LCOR: variants seen among roughly 807,000 people sequenced by gnomAD.
LCOR encodes ligand-dependent corepressor.
A neutral mutation model predicts 64.4 loss-of-function variants in LCOR; 14 were observed. The observed-to-expected ratio is 0.22, with a 90% CI of 0.14 to 0.34. The LOEUF is 0.34. LCOR is among the 10% of genes least tolerant of loss of function. LCOR has a pLI of 1.00. For synonymous variants in LCOR, 643 were observed against 642.5 expected, an observed-to-expected ratio of 1.00 and a Z score of -0.01; for missense variants, 1,686 against 1,765.3, an observed-to-expected ratio of 0.96 and a Z score of 0.80.
chr10:96,983,623 T>C lies in LCOR; in HGVS notation c.3163T>C (p.Ser1055Pro). 1 of 1,614,102 alleles carries C rather than the reference T, an allele frequency of 6.2e-7. No individual in the cohort carries two copies. Among genetic ancestry groups the C allele is most frequent in the African/African-American group, 1.3e-5 (1 of 75,018 alleles). The change falls in exon 8 of 8, where the codon TCA becomes CCA. Residue 1055 changes from serine to proline, a missense_variant. Transcript: ENST00000421806. The surrounding 1 kb of genome is among the most constrained non-coding windows in gnomAD (Gnocchi z 4.5). ...HAHSLGSLDASKVTSEKEAAQ... is the reference protein window; with the variant it reads ...HAHSLGSLDAPKVTSEKEAAQ... ...TCATTCTCTGGGCTCCTTGGATGCT[T>C]CAAAAGTGACTTCAGAAAAGGAAGC... is the stretch of plus-strand genomic sequence containing the variant.
chr10:96,890,938 G>T (rs1846428820), intron 2 of LCOR, among the ~76,000 whole-genome samples: 1 of 152,068 alleles, frequency 6.6e-6, no homozygotes, highest in Non-Finnish European at 1.5e-5. Context: ...AATTTTGTTT[G>T]CTAGTATTTT....
chr10:96,852,441 G>A (rs1845736105), intron 2 of LCOR, among the ~76,000 whole-genome samples: 1 of 152,042 alleles, frequency 6.6e-6, no homozygotes, highest in Non-Finnish European at 1.5e-5. Context: ...AACAAAAACC[G>A]ACAAATTATC....
intron 2 of LCOR, among the ~76,000 whole-genome samples, chr10:96,854,095 A>G (rs1156669724): frequency 6.6e-6 from 1 of 152,178 alleles, no homozygotes; most frequent in African/African-American, 2.4e-5. Context: ...CATGACAGAA[A>G]TACGCAAAGA....
intron 2 of LCOR, among the ~76,000 whole-genome samples, chr10:96,867,089 C>T (rs1288768643): frequency 6.6e-6 from 1 of 152,112 alleles, no homozygotes; most frequent in South Asian, 2.1e-4. Context: ...CAGGTTCAAG[C>T]GATTCACCTG....
chr10:96,945,062 C>A (rs1847564510), intron 5 of LCOR, among the ~76,000 whole-genome samples: 1 of 152,162 alleles, frequency 6.6e-6, no homozygotes, highest in South Asian at 2.1e-4. Flanking sequence ...ACTTTTCCTC[C>A]ATTTCCAAGA....
intron 7 of LCOR, among the ~76,000 whole-genome samples, chr10:96,967,374 C>T (rs1034013666): frequency 2.6e-5 from 4 of 152,162 alleles, no homozygotes; most frequent in Non-Finnish European, 4.4e-5. Flanking sequence ...TCAAGTGATC[C>T]GCCTACCTTG....
intron 2 of LCOR, among the ~76,000 whole-genome samples, chr10:96,870,555 A>G (rs1038277396): frequency 6.6e-6 from 1 of 152,216 alleles, no homozygotes; most frequent in African/African-American, 2.4e-5. Flanking sequence ...TTGTAGACTA[A>G]TTTCAAGTCT....
In LCOR at chr10:96,982,705, G is replaced by C. The variant is rs1848103351; in HGVS notation, c.2245G>C (p.Glu749Gln). Residue 749 changes from glutamate to glutamine, a missense_variant, in exon 8 of 8, where the codon GAA (glutamate) becomes CAA (glutamine). Glu to Gln is a conservative substitution (Grantham distance 29). Coordinates refer to ENST00000421806, the MANE Select transcript of LCOR (RefSeq NM_001346516.2). ...QELNVDPLLK[E>Q]SSTFTDENPS... ...GCTAAATGTCGACCCACTCTTGAAG[G>C]AAAGCAGCACTTTTACTGATGAAAA... is the stretch of plus-strand genomic sequence containing the variant. 6.2e-7 allele frequency: 1 copy of C among 1,614,010 alleles called. No individual in the cohort carries two copies. Among genetic ancestry groups the C allele is most frequent in the African/African-American group, 1.3e-5 (1 of 74,888 alleles).
chr10:96,885,553 AT>A (rs144687202), intron 2 of LCOR, among the ~76,000 whole-genome samples: 4,666 of 117,710 alleles, frequency 0.04, 258 homozygotes, highest in African/African-American at 0.14. Context: ...GGCTAATTGA[AT>A]TTTTTTTTTT....
At chr10:96,912,796 G>A (rs1271832150) in intron 4 of LCOR, among the ~76,000 whole-genome samples, 9 of 151,802 alleles carry the variant, frequency 5.9e-5, no homozygotes, top group African/African-American at 1.9e-4. Flanking sequence ...AAAAATTACT[G>A]TGGTGTTGAC....
intron 2 of LCOR, among the ~76,000 whole-genome samples, chr10:96,858,111 A>G (rs1845834251): frequency 6.6e-6 from 1 of 152,162 alleles, no homozygotes; most frequent in South Asian, 2.1e-4. Context: ...GTGATTTTTA[A>G]AAGGTTAAGT....
rs1848204763 is a variant in LCOR at position 96,991,945 on chromosome 10, T to C, written c.*6811T>C. 6.6e-6 allele frequency: 1 copy of C among 152,222 alleles called. No homozygotes were observed. Among genetic ancestry groups the C allele is most frequent in the African/African-American group, 2.4e-5 (1 of 41,454 alleles). 9.4% of individuals were successfully genotyped at this position (152,222 alleles called of 1,614,324 possible). The stretch of plus-strand genomic sequence containing the variant: ...TTTTTCTCTCAAAACTCTTTTCCTC[T>C]AGTATTTAGTTGTTGGGTTTAAATG... On this transcript the variant is annotated 3_prime_UTR_variant, in exon 8 of 8. Coordinates refer to ENST00000421806, the MANE Select transcript of LCOR (RefSeq NM_001346516.2).
chr10:96,894,245 C>T (rs1846499063), intron 2 of LCOR, among the ~76,000 whole-genome samples: 1 of 152,168 alleles, frequency 6.6e-6, no homozygotes, highest in African/African-American at 2.4e-5. Context: ...GCACATGCCA[C>T]CACGCCCAGC....
chr10:96,863,499 T>C (rs957468317), intron 2 of LCOR, among the ~76,000 whole-genome samples: 5 of 152,274 alleles, frequency 3.3e-5, no homozygotes, highest in African/African-American at 1.2e-4. Context: ...CTACCATGCC[T>C]GGTCCATCTT....
intron 2 of LCOR, among the ~76,000 whole-genome samples, chr10:96,853,347 T>C: frequency 6.6e-6 from 1 of 152,332 alleles, no homozygotes; most frequent in East Asian, 1.9e-4. Context: ...GCACCCAGCC[T>C]GTTGTCACCT....
intron 2 of LCOR, among the ~76,000 whole-genome samples, chr10:96,875,255 G>A (rs1846143705): frequency 6.6e-6 from 1 of 151,858 alleles, no homozygotes. Flanking sequence ...GTGGTGGCAG[G>A]TGCCTGTTGT....
chr10:96,838,797 C>G (rs958883632), intron 2 of LCOR, among the ~76,000 whole-genome samples: 25 of 152,142 alleles, frequency 1.6e-4, no homozygotes, highest in African/African-American at 6.0e-4. Flanking sequence ...TATTTGTGTA[C>G]AAGTTTTTGT....
At chr10:96,873,402 T>C (rs1231203326) in intron 2 of LCOR, among the ~76,000 whole-genome samples, 1 of 152,160 alleles carries the variant, frequency 6.6e-6, no homozygotes, top group Non-Finnish European at 1.5e-5. Context: ...CATCACTTTT[T>C]CCCTGAATTG....
chr10:96,941,069 C>A (rs1252572049), intron 4 of LCOR, among the ~76,000 whole-genome samples: 1 of 106,120 alleles, frequency 9.4e-6, no homozygotes, highest in African/African-American at 4.1e-5. Context: ...CCGACCCCCC[C>A]CCCGCCTCCC....
Sources: allele counts gnomAD v4.1 joint callset (sites outside exome capture counted in the v4.1 genomes callset), GRCh38; gene constraint gnomAD v4.1.1; non-coding constraint Gnocchi (gnomAD v3.1); transcripts MANE v1.5; gene names NCBI Gene and HGNC (gene_info 2026-07-23, HGNC 2026-07-21).